The following NR3C2 variants were observed in gnomAD, a reference collection of about 807,000 sequenced individuals.
NR3C2 encodes mineralocorticoid receptor.
NR3C2 carries 15 observed loss-of-function variants against 86.4 expected under a neutral mutation model. The observed-to-expected ratio is 0.17, with a 90% CI of 0.12 to 0.27. NR3C2 has a LOEUF of 0.27. Among genes scored for constraint, NR3C2 ranks in the 10% least tolerant of loss-of-function variants. NR3C2 has a pLI of 1.00. For missense variants in NR3C2, 960 were observed against 1,195.6 expected (o/e 0.80, Z 2.91); for synonymous variants, 458 against 450.5 (o/e 1.02, Z -0.21).
At chr4:148,120,407 G>A (rs564643165) in intron 6 of NR3C2, 119 bp from the exon 7 acceptor site, 2 of 1,175,244 alleles carry the variant, frequency 1.7e-6, no homozygotes, top group African/African-American at 3.0e-5. Context: ...GCTTCAACAT[G>A]GAGCAGATGT....
At chr4:148,099,134 G>A (rs1731422486) in intron 8 of NR3C2, among the ~76,000 whole-genome samples, 1 of 152,198 alleles carries the variant, frequency 6.6e-6, no homozygotes, top group Non-Finnish European at 1.5e-5. Context: ...ATCTTAAACA[G>A]ATTATATTAT....
chr4:148,147,587 T>C (rs1295302125), intron 6 of NR3C2, among the ~76,000 whole-genome samples: 1 of 152,190 alleles, frequency 6.6e-6, no homozygotes, highest in African/African-American at 2.4e-5. Context: ...GCCAGTGAAA[T>C]AAGGCAGAGA....
intron 3 of NR3C2, among the ~76,000 whole-genome samples, chr4:148,245,186 G>A (rs191109190): frequency 3.9e-5 from 6 of 152,282 alleles, no homozygotes; most frequent in Non-Finnish European, 7.4e-5. Flanking sequence ...AGTAATAAGA[G>A]CACTGTGAAC....
At chr4:148,331,642 T>C (rs1744241760) in intron 2 of NR3C2, among the ~76,000 whole-genome samples, 1 of 152,202 alleles carries the variant, frequency 6.6e-6, no homozygotes, top group African/African-American at 2.4e-5. Context: ...TATATATGCA[T>C]AGACTTTCAT....
chr4:148,374,550 G>C (rs962650784), intron 2 of NR3C2, among the ~76,000 whole-genome samples: 1 of 151,986 alleles, frequency 6.6e-6, no homozygotes, highest in African/African-American at 2.4e-5. Context: ...AAATTCTAGA[G>C]AAAATAGAAA....
intron 4 of NR3C2, among the ~76,000 whole-genome samples, chr4:148,180,871 T>C (rs72653851): frequency 4.8e-4 from 73 of 152,298 alleles, no homozygotes; most frequent in Middle Eastern, 3.4e-3. Context: ...TTATCAGTAA[T>C]GTACAAGAGC....
intron 8 of NR3C2, among the ~76,000 whole-genome samples, chr4:148,098,610 C>T (rs1009530056): frequency 1.3e-5 from 2 of 152,216 alleles, no homozygotes; most frequent in African/African-American, 2.4e-5. Context: ...TTTCACTGCT[C>T]TGCACATCTG....
chr4:148,190,025 G>C (rs953859325), intron 4 of NR3C2, among the ~76,000 whole-genome samples: 2 of 152,006 alleles, frequency 1.3e-5, no homozygotes, highest in South Asian at 4.2e-4. Context: ...TTGTTTGTTT[G>C]TTTCAATTTC....
intron 2 of NR3C2, among the ~76,000 whole-genome samples, chr4:148,365,141 C>A (rs1033123): frequency 1 from 152,271 of 152,304 alleles, 76,119 homozygotes; most frequent in Non-Finnish European, 1. Flanking sequence ...GTAAGTACTT[C>A]ACAATAAAAA....
intron 2 of NR3C2, among the ~76,000 whole-genome samples, chr4:148,275,403 C>T (rs1740909255): frequency 6.6e-6 from 1 of 150,626 alleles, no homozygotes; most frequent in Non-Finnish European, 1.5e-5. Context: ...ATTCAATTTA[C>T]TATAAAGTAG....
At chr4:148,269,450 A>C (rs1371056912) in intron 2 of NR3C2, among the ~76,000 whole-genome samples, 1 of 152,232 alleles carries the variant, frequency 6.6e-6, no homozygotes, top group Non-Finnish European at 1.5e-5. Flanking sequence ...TTTTCTATTA[A>C]GGATTTTCCA....
Position 148,112,498 on chromosome 4 carries a change from G to A in NR3C2, c.2799+1606C>T, listed in dbSNP as rs543314348. ...AAAGGAGTGGGAAGACTTTGCTCCA[G>A]TTCCCTGCATTTCCTTTTGTGTGAG... On this transcript the variant is annotated intron_variant, in intron 8 of 8. Transcript: ENST00000358102. Among the ~76,000 whole-genome samples, 126 of 152,298 alleles carry A rather than the reference G, an allele frequency of 8.3e-4. 1 individual carries two copies. Among genetic ancestry groups the A allele is most frequent in the African/African-American group, 2.9e-3 (120 of 41,556 alleles).
At chr4:148,272,743 GC>G (rs1740753144) in intron 2 of NR3C2, among the ~76,000 whole-genome samples, 1 of 151,978 alleles carries the variant, frequency 6.6e-6, no homozygotes. Flanking sequence ...TAAAAGTTAG[GC>G]TTTTGTCTTT....
At chr4:148,359,279 G>GA (rs897548808) in intron 2 of NR3C2, among the ~76,000 whole-genome samples, 1 of 151,072 alleles carries the variant, frequency 6.6e-6, no homozygotes, top group African/African-American at 2.4e-5. Flanking sequence ...TTAAAGGGGG[G>GA]AAAAAAAAGA....
At chr4:148,144,658 C>T (rs747355330) in intron 6 of NR3C2, among the ~76,000 whole-genome samples, 3 of 152,142 alleles carry the variant, frequency 2.0e-5, no homozygotes, top group Non-Finnish European at 2.9e-5. Context: ...ACTGAATGAC[C>T]GTTCTTGTTT....
At chr4:148,180,019 TA>T (rs1735569727) in intron 4 of NR3C2, among the ~76,000 whole-genome samples, 1 of 151,840 alleles carries the variant, frequency 6.6e-6, no homozygotes, top group South Asian at 2.1e-4. Context: ...GTATCTCTTT[TA>T]TAAAACTCAA....
At chr4:148,191,815 G>A (rs1270029452) in intron 4 of NR3C2, among the ~76,000 whole-genome samples, 1 of 152,144 alleles carries the variant, frequency 6.6e-6, no homozygotes, top group Non-Finnish European at 1.5e-5. Context: ...CTAAAAGTGT[G>A]TCCAAAGTTT....
chr4:148,260,573 T>C (rs1740046700), intron 2 of NR3C2, among the ~76,000 whole-genome samples: 1 of 152,128 alleles, frequency 6.6e-6, no homozygotes, highest in Admixed American at 6.6e-5. Context: ...ACCTCCCCTT[T>C]CCAAAATAAT....
intron 6 of NR3C2, among the ~76,000 whole-genome samples, chr4:148,137,528 A>T (rs541804984): frequency 1.3e-5 from 2 of 152,318 alleles, no homozygotes; most frequent in South Asian, 4.1e-4. Context: ...ACTATGTTCT[A>T]TCTAGCTTTG....
Sources: allele counts gnomAD v4.1 joint callset (sites outside exome capture counted in the v4.1 genomes callset), GRCh38; gene constraint gnomAD v4.1.1; transcripts MANE v1.5; gene names NCBI Gene and HGNC (gene_info 2026-07-23, HGNC 2026-07-21).